Variants in SYN3 observed in about 807,000 individuals in gnomAD.
SYN3 encodes the protein synapsin-3.
Under a neutral mutation model 65.8 loss-of-function variants are expected in SYN3, and 35 were observed. That is an observed-to-expected ratio of 0.53 (90% CI 0.41 to 0.70). The LOEUF (loss-of-function observed/expected upper bound fraction) is 0.70, where lower values mean the gene tolerates loss of function less well. Ranked by LOEUF, SYN3 falls within the 30% of genes least tolerant of loss-of-function variation. The pLI, the probability that SYN3 is intolerant of heterozygous loss-of-function variation, is 0.00. For synonymous variants in SYN3, 270 were observed against 292.9 expected (o/e 0.92, Z 0.80); for missense variants, 680 against 749.0 (o/e 0.91, Z 1.08).
At chr22:32,977,293 T>C (rs550034721) in intron 3 of SYN3, among the ~76,000 whole-genome samples, 96 of 152,172 alleles carry the variant, frequency 6.3e-4, no homozygotes, top group Admixed American at 9.8e-4. Flanking sequence ...GTCCTGCTCA[T>C]AGATTTTGTA....
intron 12 of SYN3, among the ~76,000 whole-genome samples, chr22:32,520,411 AC>A (rs1354666459): frequency 6.6e-6 from 1 of 151,956 alleles, no homozygotes; most frequent in Non-Finnish European, 1.5e-5. Flanking sequence ...TGCTGGGATT[AC>A]AGGTGTGAGC....
At chr22:32,893,523 G>C (rs533327593) in intron 4 of SYN3, among the ~76,000 whole-genome samples, 2 of 152,258 alleles carry the variant, frequency 1.3e-5, no homozygotes, top group South Asian at 4.2e-4. Context: ...AATCAGTAGA[G>C]TTTGGCAGTA....
chr22:33,029,900 C>T (rs560665409), intron 1 of SYN3, among the ~76,000 whole-genome samples: 59 of 152,326 alleles, frequency 3.9e-4, no homozygotes, highest in African/African-American at 1.4e-3. Context: ...CCATTCCCCA[C>T]GCCCTGACCC....
At position 33,058,371 on chromosome 22, in the gene SYN3, G is replaced by A. The variant is rs973389915; in HGVS notation, c.-242C>T. 5 of 151,462 alleles carry A rather than the reference G, an allele frequency of 3.3e-5. No individual in the cohort carries two copies. Among genetic ancestry groups the A allele is most frequent in the African/African-American group, 9.7e-5 (4 of 41,342 alleles). 9.4% of individuals were successfully genotyped at this position (151,462 alleles called of 1,614,324 possible). A position where few individuals can be genotyped will look rare whatever the true frequency, so the allele number is the denominator to read the frequency against. On this transcript the variant is annotated 5_prime_UTR_variant, in exon 1 of 14. Transcript: ENST00000358763. ...AGTCGATCCGCTCCGGGTCCCGGGA[G>A]CTCAGCCTCTGCCCCTCAACGCGCG...
At chr22:32,984,204 GA>G (rs2052457946) in intron 2 of SYN3, among the ~76,000 whole-genome samples, 1 of 85,064 alleles carries the variant, frequency 1.2e-5, no homozygotes, top group Admixed American at 1.3e-4. Flanking sequence ...AAAGAAAAAA[GA>G]AAAAAAGAGT....
chr22:32,584,905 G>A (rs1471195850), intron 7 of SYN3, among the ~76,000 whole-genome samples: 1 of 152,162 alleles, frequency 6.6e-6, no homozygotes, highest in Non-Finnish European at 1.5e-5. Flanking sequence ...GTGGGGCCTT[G>A]TGAAATTCTT....
intron 6 of SYN3, among the ~76,000 whole-genome samples, chr22:32,855,796 T>C (rs2048346681): frequency 6.6e-6 from 1 of 152,184 alleles, no homozygotes; most frequent in African/African-American, 2.4e-5. Flanking sequence ...AAATATTTCC[T>C]AGGGGGGCAA....
chr22:32,510,984 C>CATGTGTGT lies in SYN3; in HGVS notation c.*2707_*2708insACACACAT, dbSNP rs1555885919. ...TGTCAATTCCAAGTTATTGTCCAGG[C>CATGTGTGT]GTGTGTGTGTGTGTGTGTGTGTGTG... On this transcript the variant is annotated 3_prime_UTR_variant, in exon 14 of 14. Coordinates refer to ENST00000358763, the MANE Select transcript of SYN3 (RefSeq NM_003490.4). Among the ~76,000 whole-genome samples the CATGTGTGT allele has an allele frequency of 7.0e-6, 1 of 142,928 alleles. No individual in the cohort carries two copies. The highest frequency in any genetic ancestry group is 2.5e-5 in the African/African-American group (1 of 39,274). 93.8% of individuals were successfully genotyped at this position (142,928 alleles called of 152,430 possible).
intron 3 of SYN3, among the ~76,000 whole-genome samples, chr22:32,954,831 T>A (rs1017106711): frequency 6.6e-6 from 1 of 151,668 alleles, no homozygotes; most frequent in Non-Finnish European, 1.5e-5. Flanking sequence ...TACAGTTATA[T>A]TTCTGTAAAT....
At chr22:32,980,368 T>C (rs2052335809) in intron 3 of SYN3, among the ~76,000 whole-genome samples, 2 of 152,226 alleles carry the variant, frequency 1.3e-5, no homozygotes, top group South Asian at 4.1e-4. Flanking sequence ...CACCTGCCCA[T>C]TTCCATCAGA....
chr22:32,523,266 A>G (rs1320061831), intron 12 of SYN3, among the ~76,000 whole-genome samples: 1 of 152,210 alleles, frequency 6.6e-6, no homozygotes, highest in Non-Finnish European at 1.5e-5. Flanking sequence ...TAATCCCAGC[A>G]CTTTGGGAGG....
At chr22:32,549,790 G>A (rs2058384725) in intron 7 of SYN3, among the ~76,000 whole-genome samples, 2 of 151,966 alleles carry the variant, frequency 1.3e-5, no homozygotes, top group East Asian at 1.9e-4. Context: ...TTGGAAGGCT[G>A]AGGGAAGAGA....
chr22:32,746,800 A>ACGC (rs1406061977), intron 6 of SYN3, among the ~76,000 whole-genome samples: 45 of 152,308 alleles, frequency 3.0e-4, no homozygotes, highest in Non-Finnish European at 7.4e-5. Flanking sequence ...TGGTCAGTGG[A>ACGC]TGCTTGTGGA....
At chr22:32,800,751 T>C (rs1056654790) in intron 6 of SYN3, among the ~76,000 whole-genome samples, 7 of 152,198 alleles carry the variant, frequency 4.6e-5, no homozygotes, top group African/African-American at 1.7e-4. Context: ...GCCTTTCTAC[T>C]TTCTGTCTTT....
intron 4 of SYN3, among the ~76,000 whole-genome samples, chr22:32,880,976 T>C (rs1180644383): frequency 6.6e-6 from 1 of 152,164 alleles, no homozygotes; most frequent in Non-Finnish European, 1.5e-5. Context: ...TCAAGTGGCA[T>C]GTCGCCGGGA....
chr22:32,911,815 G>A (rs2050059592), intron 4 of SYN3, among the ~76,000 whole-genome samples: 2 of 152,120 alleles, frequency 1.3e-5, no homozygotes, highest in South Asian at 4.2e-4. Flanking sequence ...GCAGCCACCA[G>A]CCCACCCACT....
intron 3 of SYN3, among the ~76,000 whole-genome samples, chr22:32,934,311 T>C (rs2050716134): frequency 2.6e-5 from 4 of 152,228 alleles, no homozygotes; most frequent in Admixed American, 2.6e-4. Flanking sequence ...ACCCAAGGGC[T>C]GTCTCGCTGC....
At chr22:32,972,735 G>A (rs1055753145) in intron 3 of SYN3, among the ~76,000 whole-genome samples, 3 of 152,148 alleles carry the variant, frequency 2.0e-5, no homozygotes, top group African/African-American at 7.2e-5. Flanking sequence ...GCCCACACCT[G>A]TAATCCCAGC....
intron 7 of SYN3, among the ~76,000 whole-genome samples, chr22:32,552,105 G>A (rs1156744997): frequency 6.6e-6 from 1 of 152,200 alleles, no homozygotes; most frequent in Non-Finnish European, 1.5e-5. Flanking sequence ...AATTAGCTGA[G>A]AGTGGTGGCG....
Sources: gnomAD v4.1 joint callset for allele counts (sites outside exome capture counted in the v4.1 genomes callset) on GRCh38, gnomAD v4.1.1 for gene constraint, MANE v1.5 for transcripts, NCBI Gene and HGNC (gene_info 2026-07-23, HGNC 2026-07-21) for gene names.